FBLN2: variants seen among roughly 807,000 people sequenced by gnomAD.
FBLN2 encodes fibulin 2.
A neutral mutation model predicts 123.7 loss-of-function variants in FBLN2; 81 were observed. The observed-to-expected ratio is 0.65, with a 90% CI of 0.55 to 0.79. The LOEUF (loss-of-function observed/expected upper bound fraction) is 0.79. Ranked by LOEUF, FBLN2 falls within the 30% of genes least tolerant of loss-of-function variation. FBLN2 has a pLI of 0.00. For missense variants in FBLN2, 1,603 were observed against 1,681.3 expected, an observed-to-expected ratio of 0.95 and a Z score of 0.81; for synonymous variants, 699 against 701.4, an observed-to-expected ratio of 1.00 and a Z score of 0.05.
chr3:13,614,576 G>GTCCATCCATCCA (rs747826390), intron 5 of FBLN2, among the ~76,000 whole-genome samples: 13,418 of 142,736 alleles, frequency 0.094, 1,108 homozygotes, highest in African/African-American at 0.23. Flanking sequence ...CCCATCATCT[G>GTCCATCCATCCA]TCCATCCATC....
chr3:13,580,961 C>A (rs564507695), intron 2 of FBLN2, among the ~76,000 whole-genome samples: 1 of 152,312 alleles, frequency 6.6e-6, no homozygotes, highest in South Asian at 2.1e-4. Context: ...TCCGGGATGG[C>A]CTCAGCCAGG....
chr3:13,615,008 CCATCCATCCATCCATG>C (rs1421729715), intron 5 of FBLN2, among the ~76,000 whole-genome samples: 2 of 151,936 alleles, frequency 1.3e-5, no homozygotes, highest in African/African-American at 4.8e-5. Flanking sequence ...ATCCATCCAT[CCATCCATCCATCCATG>C]CATCCATCCT....
At chr3:13,568,203 C>T (rs887331032) in intron 1 of FBLN2, among the ~76,000 whole-genome samples, 2 of 152,200 alleles carry the variant, frequency 1.3e-5, no homozygotes, top group Non-Finnish European at 2.9e-5. Flanking sequence ...CTGGTCTGGG[C>T]ATGGGCTTCC....
chr3:13,622,003 G>A, intron 9 of FBLN2, 88 bp downstream of exon 9: 1 of 1,470,590 alleles, frequency 6.8e-7, no homozygotes, highest in East Asian at 2.3e-5. Flanking sequence ...ACATGCCAAA[G>A]GGCCTGCCCT....
chr3:13,595,078 G>A (rs1704797508), intron 2 of FBLN2, among the ~76,000 whole-genome samples: 1 of 152,188 alleles, frequency 6.6e-6, no homozygotes, highest in African/African-American at 2.4e-5. Context: ...CTGCAAAATG[G>A]GGGCTGAGGC....
In FBLN2 at chr3:13,555,077, C is replaced by T. The variant is rs528652792; in HGVS notation, c.-42+5869C>T. Among the ~76,000 whole-genome samples the T allele has an allele frequency of 3.9e-5, 6 of 151,970 alleles. No homozygotes were observed. In the South Asian group the frequency reaches 6.2e-4, roughly 16 times the overall value. On this transcript the variant is annotated intron_variant, in intron 1 of 17. Coordinates refer to ENST00000404922, the MANE Select transcript of FBLN2 (RefSeq NM_001004019.2). ...CAGTGATTTTCCTGCCTCAGCCTCC[C>T]GAGTAGCTGGGACTACAGGTGCGTG...
At chr3:13,631,537 G>A in intron 16 of FBLN2, 80 bp downstream of exon 16, 1 of 1,471,220 alleles carries the variant, frequency 6.8e-7, no homozygotes, top group East Asian at 2.5e-5. Flanking sequence ...AGCTCACACA[G>A]CTTGCGTGCA....
At chr3:13,567,011 G>T (rs1207908921) in intron 1 of FBLN2, among the ~76,000 whole-genome samples, 1 of 152,246 alleles carries the variant, frequency 6.6e-6, no homozygotes, top group Non-Finnish European at 1.5e-5. Context: ...GCAGAGTCAG[G>T]CTTGGGCCTG....
chr3:13,565,110 G>A (rs562270500), intron 1 of FBLN2, among the ~76,000 whole-genome samples: 4 of 152,284 alleles, frequency 2.6e-5, no homozygotes, highest in African/African-American at 9.6e-5. Context: ...ACACTCCCTG[G>A]GGAGACCCTG....
chr3:13,594,553 C>T (rs1165208516), intron 2 of FBLN2, among the ~76,000 whole-genome samples: 1 of 152,142 alleles, frequency 6.6e-6, no homozygotes, highest in Non-Finnish European at 1.5e-5. Context: ...TATGTTTAAA[C>T]CCTTGGGCAC....
Position 13,570,637 on chromosome 3 carries a change from G to A in FBLN2, c.282G>A (p.Gly94=). The change falls in exon 2 of 18, where the codon GGG becomes GGA. Residue 94 remains glycine, a synonymous_variant. Coordinates refer to ENST00000404922, the MANE Select transcript of FBLN2 (RefSeq NM_001004019.2). Reference sequence around the variant, plus strand: ...GTCAGTCCTATTTTGTGGACTTCGGGAGCACTGAGTGCTCCTGCCCACCAG... The same window carrying A: ...GTCAGTCCTATTTTGTGGACTTCGGAAGCACTGAGTGCTCCTGCCCACCAG... ...PAGQSYFVDF[G]STECSCPPGG... 1.3e-6 allele frequency: 2 copies of A among 1,582,296 alleles called. No homozygotes were observed. The highest frequency in any genetic ancestry group is 8.6e-7 in the Non-Finnish European group (1 of 1,165,614).
In FBLN2 at chr3:13,608,099, C is replaced by T. The variant is rs748379676; in HGVS notation, c.1344C>T (p.Ala448=). The change falls in exon 3 of 18, where the codon GCC becomes GCT. Residue 448 remains alanine, a synonymous_variant. Transcript: ENST00000404922. ...TKDLIETCCA[A]GQQWAIDNDE... ...ACCTGATCGAGACTTGCTGCGCAGC[C>T]GGACAGCAGTGGGCCATTGACAATG... 2.8e-5 allele frequency: 44 copies of T among 1,595,640 alleles called. No homozygotes were observed. Among genetic ancestry groups the T allele is most frequent in the African/African-American group, 5.4e-5 (4 of 74,582 alleles).
At chr3:13,566,758 T>G (rs1434625362) in intron 1 of FBLN2, among the ~76,000 whole-genome samples, 1 of 152,220 alleles carries the variant, frequency 6.6e-6, no homozygotes, top group Non-Finnish European at 1.5e-5. Context: ...CTCTGTGGCT[T>G]GAAACAGGAG....
chr3:13,635,674 G>A (rs1023004507), intron 16 of FBLN2, among the ~76,000 whole-genome samples: 2 of 152,184 alleles, frequency 1.3e-5, no homozygotes, highest in African/African-American at 4.8e-5. Flanking sequence ...TTTGCGTCTC[G>A]GAGTCGGGAC....
intron 9 of FBLN2, among the ~76,000 whole-genome samples, chr3:13,623,465 C>T (rs77982936): frequency 0.021 from 3,232 of 152,292 alleles, 122 homozygotes; most frequent in African/African-American, 0.072. Flanking sequence ...TCATCCTGTA[C>T]AAACCCGTCA....
rs1337998380 is a variant in FBLN2 at position 13,609,549 on chromosome 3, G to A, written c.1455G>A (p.Gln485=). The A allele has an allele frequency of 2.6e-6, 4 of 1,552,730 alleles. No individual in the cohort carries two copies. The Admixed American group carries it at 7.8e-5, about 30-fold the overall frequency. The change falls in exon 4 of 18, where the codon CAG becomes CAA. Residue 485 remains glutamine, a synonymous_variant. Transcript: ENST00000404922. The part of the protein sequence containing the change: ...AQRHCCVSYL[Q]EKSCMAGVLG... Reference sequence around the variant, plus strand: ...GGCACTGCTGTGTCTCCTACTTGCAGGAGAAGAGCTGCATGGCCGGCGTCC... The same window carrying A: ...GGCACTGCTGTGTCTCCTACTTGCAAGAGAAGAGCTGCATGGCCGGCGTCC...
chr3:13,568,622 G>A (rs1345200292), intron 1 of FBLN2: 5 of 254,024 alleles, frequency 2.0e-5, no homozygotes, highest in African/African-American at 4.6e-5. Context: ...CTGCTGGTCC[G>A]GCCTCAGCCC....
At chr3:13,607,999 C>T (rs1705263380) in intron 2 of FBLN2, 63 bp from the exon 3 acceptor site, 1 of 1,347,422 alleles carries the variant, frequency 7.4e-7, no homozygotes, top group Non-Finnish European at 1.0e-6. Context: ...GGACAGGCCC[C>T]TGCATATCTG....
rs763687824 is a variant in FBLN2, at chr3:13,618,966, G to C, written c.2002G>C (p.Val668Leu). ...EPALKSEFSQVASNTIPLPLP... is the reference protein window; with the variant it reads ...EPALKSEFSQLASNTIPLPLP... ...TGCACTGAAGTCAGAATTTTCCCAG[G>C]TGGCCTCTAACACCATCCCGCTGCC... Residue 668 changes from valine to leucine, a missense_variant, in exon 7 of 18, where the codon GTG becomes CTG. Coordinates refer to ENST00000404922, the MANE Select transcript of FBLN2 (RefSeq NM_001004019.2). The C allele has an allele frequency of 6.2e-7, 1 of 1,613,256 alleles. No individual in the cohort carries two copies. Among genetic ancestry groups the C allele is most frequent in the East Asian group, 2.2e-5 (1 of 44,874 alleles).
Sources: allele counts gnomAD v4.1 joint callset (sites outside exome capture counted in the v4.1 genomes callset), GRCh38; gene constraint gnomAD v4.1.1; transcripts MANE v1.5; gene names NCBI Gene and HGNC (gene_info 2026-07-23, HGNC 2026-07-21).